The following NTM variants were observed in gnomAD, a reference collection of about 807,000 sequenced individuals.
NTM encodes the protein IgLON family member 2.
In NTM, 13 loss-of-function variants were observed where a neutral mutation model predicts 42.1. The observed-to-expected ratio is 0.31, with a 90% CI of 0.20 to 0.49. The LOEUF (loss-of-function observed/expected upper bound fraction) is 0.49, where lower values mean the gene tolerates loss of function less well. Among genes scored for constraint, NTM ranks in the 20% least tolerant of loss-of-function variants. The pLI is 0.99. For missense variants in NTM, 373 were observed against 452.8 expected (o/e 0.82, Z 1.60); for synonymous variants, 187 against 179.2 (o/e 1.04, Z -0.35).
Position 131,730,761 on chromosome 11 carries a change from A to G in NTM, c.83-180803A>G, listed in dbSNP as rs79217392. Among the ~76,000 whole-genome samples the G allele has an allele frequency of 2.8e-3, 417 of 151,526 alleles. 2 individuals carry two copies. The highest frequency in any genetic ancestry group is 9.3e-3 in the African/African-American group (382 of 41,240). On this transcript the variant is annotated intron_variant, in intron 1 of 8. Coordinates refer to ENST00000683400, the MANE Select transcript of NTM (RefSeq NM_001352005.2). ...AAGAAGACGAAGAAAAGAGCAGGGA[A>G]TCTACAAAAGTCAGGAATGGATCTG...
chr11:131,389,026 AAAG>A (rs1943683225), intron 1 of NTM, among the ~76,000 whole-genome samples: 1 of 147,662 alleles, frequency 6.8e-6, no homozygotes, highest in Non-Finnish European at 1.5e-5. Context: ...AAAAAAAAAA[AAAG>A]AAAAGAAAAG....
At chr11:131,815,842 T>TGGCC (rs2092929928) in intron 1 of NTM, among the ~76,000 whole-genome samples, 1 of 152,114 alleles carries the variant, frequency 6.6e-6, no homozygotes, top group Admixed American at 6.5e-5. Flanking sequence ...TCCTTCCGGG[T>TGGCC]GGCCGCGGTG....
intron 1 of NTM, among the ~76,000 whole-genome samples, chr11:131,906,410 A>C (rs537247053): frequency 1.3e-5 from 2 of 152,034 alleles, no homozygotes; most frequent in Non-Finnish European, 2.9e-5. Context: ...TCCTACGATC[A>C]ACTCCTCCTC....
At chr11:131,523,597 T>G (rs970836846) in intron 1 of NTM, among the ~76,000 whole-genome samples, 1 of 151,986 alleles carries the variant, frequency 6.6e-6, no homozygotes, top group Non-Finnish European at 1.5e-5. Flanking sequence ...AGGGCCAGCC[T>G]GGCCAACATG....
chr11:131,945,889 G>A (rs1593082663), intron 2 of NTM, among the ~76,000 whole-genome samples: 1 of 152,308 alleles, frequency 6.6e-6, no homozygotes. Flanking sequence ...TCCTGCCAGC[G>A]ATAAGCAATC....
intron 2 of NTM, among the ~76,000 whole-genome samples, chr11:132,059,652 A>G (rs983606102): frequency 6.6e-6 from 1 of 152,108 alleles, no homozygotes; most frequent in Non-Finnish European, 1.5e-5. Context: ...CAAACATCCA[A>G]GTATGCACTG....
chr11:131,375,870 G>GAAA (rs1291653333), intron 1 of NTM, among the ~76,000 whole-genome samples: 2 of 152,078 alleles, frequency 1.3e-5, no homozygotes, highest in African/African-American at 4.8e-5. Context: ...TGCTTAAACT[G>GAAA]AAAAGATATA....
chr11:131,727,843 A>G (rs1316491925), intron 1 of NTM, among the ~76,000 whole-genome samples: 1 of 152,198 alleles, frequency 6.6e-6, no homozygotes, highest in Non-Finnish European at 1.5e-5. Context: ...CCAAAATGCA[A>G]GAAATCCCTC....
In NTM at chr11:131,563,461, C is replaced by T. The variant is rs188779374; in HGVS notation, c.82+192573C>T. Among the ~76,000 whole-genome samples the T allele has an allele frequency of 8.2e-4, 125 of 152,254 alleles. 1 individual carries two copies. Among genetic ancestry groups the T allele is most frequent in the Non-Finnish European group, 9.6e-4 (65 of 68,012 alleles). ...CCCTGGGCATCTTCTCTACAAGGCT[C>T]GTCCCTGCTCCCCTTTCTTCACTTT... is the stretch of plus-strand genomic sequence containing the variant. On this transcript the variant is annotated intron_variant, in intron 1 of 8. Transcript: ENST00000683400.
At chr11:131,754,223 G>T (rs1430651227) in intron 1 of NTM, among the ~76,000 whole-genome samples, 1 of 151,504 alleles carries the variant, frequency 6.6e-6, no homozygotes, top group Non-Finnish European at 1.5e-5. Context: ...CATGACACAT[G>T]TATACATATG....
At chr11:131,647,514 G>C (rs757532418) in intron 1 of NTM, among the ~76,000 whole-genome samples, 4 of 152,182 alleles carry the variant, frequency 2.6e-5, no homozygotes, top group African/African-American at 4.8e-5. Flanking sequence ...AGAAAAACTT[G>C]GGGGTGTGTG....
At chr11:132,267,494 T>A (rs751273266) in intron 4 of NTM, among the ~76,000 whole-genome samples, 4 of 129,510 alleles carry the variant, frequency 3.1e-5, no homozygotes, top group South Asian at 2.5e-4. Flanking sequence ...TTTTTTTTTT[T>A]AATTTTCATT....
intron 1 of NTM, among the ~76,000 whole-genome samples, chr11:131,593,922 C>T (rs868720612): frequency 2.3e-4 from 35 of 152,170 alleles, no homozygotes; most frequent in African/African-American, 7.5e-4. Flanking sequence ...CCTTGTGGTG[C>T]CTGCATGGTG....
chr11:131,694,191 G>T (rs1407850782), intron 1 of NTM, among the ~76,000 whole-genome samples: 1 of 152,206 alleles, frequency 6.6e-6, no homozygotes, highest in Non-Finnish European at 1.5e-5. Context: ...TGCATTTAAA[G>T]CAGTTAATGG....
intron 1 of NTM, among the ~76,000 whole-genome samples, chr11:131,467,400 C>T (rs1245079764): frequency 2.6e-5 from 4 of 152,216 alleles, no homozygotes; most frequent in Admixed American, 1.3e-4. Context: ...GGGCTCTGGA[C>T]TTCATCAGCC....
chr11:132,280,928 A>G (rs998008543), intron 4 of NTM, among the ~76,000 whole-genome samples: 1 of 152,254 alleles, frequency 6.6e-6, no homozygotes, highest in Non-Finnish European at 1.5e-5. Context: ...GTCATTGGCT[A>G]AGAAACCTCT....
chr11:131,455,375 C>T (rs555770756), intron 1 of NTM: 3 of 152,396 alleles, frequency 2.0e-5, no homozygotes, highest in Admixed American at 6.5e-5. Context: ...GCTGGCATTC[C>T]CACTGTCAGA....
Position 131,370,790 on chromosome 11 carries a change from G to C in NTM, c.-17G>C. 16 of 1,606,224 alleles carry C rather than the reference G, an allele frequency of 1.0e-5. No homozygotes were observed. The highest frequency in any genetic ancestry group is 1.3e-5 in the Non-Finnish European group (15 of 1,175,840). On this transcript the variant is annotated 5_prime_UTR_variant, in exon 1 of 9. Coordinates refer to ENST00000683400, the MANE Select transcript of NTM (RefSeq NM_001352005.2). ...CGAACCTGACAAAAAAGAAGAAAAA[G>C]AAGAAGAAAAAAAATCATGAAAACC... is the stretch of plus-strand genomic sequence containing the variant.
chr11:131,633,998 G>A (rs2064048940), intron 1 of NTM, among the ~76,000 whole-genome samples: 2 of 152,038 alleles, frequency 1.3e-5, no homozygotes, highest in African/African-American at 4.8e-5. Context: ...CCAAAATCAT[G>A]AATATCCAAA....
Sources: allele counts gnomAD v4.1 joint callset (sites outside exome capture counted in the v4.1 genomes callset), GRCh38; gene constraint gnomAD v4.1.1; transcripts MANE v1.5; gene names NCBI Gene and HGNC (gene_info 2026-07-23, HGNC 2026-07-21).